The following DSE variants were observed in gnomAD, a reference collection of about 807,000 sequenced individuals.
DSE encodes the protein dermatan sulfate epimerase, also known as dermatan-sulfate epimerase.
In DSE, 36 loss-of-function variants were observed where a neutral mutation model predicts 84.4. The ratio of observed to expected loss-of-function variants is 0.43; its 90% CI spans 0.33 to 0.56. The LOEUF is 0.56. DSE is among the 20% of genes least tolerant of loss of function. The pLI is 0.06. For synonymous variants in DSE, 410 were observed against 430.1 expected (o/e 0.95, Z 0.58); for missense variants, 862 against 1,169.6 (o/e 0.74, Z 3.84).
intron 2 of DSE, among the ~76,000 whole-genome samples, chr6:116,273,340 T>G (rs1772965862): frequency 6.6e-6 from 1 of 152,212 alleles, no homozygotes; most frequent in African/African-American, 2.4e-5. Context: ...GACATCCACA[T>G]TTTTCCTAAT....
chr6:116,279,408 C>A (rs1177111081), intron 2 of DSE: 11 of 1,613,328 alleles, frequency 6.8e-6, no homozygotes, highest in Non-Finnish European at 7.6e-6. Flanking sequence ...TCAGCTCAGA[C>A]GCGGATCTCT....
chr6:116,405,361 C>T (rs1040233530), intron 2 of DSE, among the ~76,000 whole-genome samples: 1 of 152,130 alleles, frequency 6.6e-6, no homozygotes, highest in African/African-American at 2.4e-5. Flanking sequence ...TTCTCATGAC[C>T]TTACAGTGAG....
chr6:116,286,257 C>A lies in DSE; in HGVS notation c.-54+27290C>A, dbSNP rs141371150. Among the ~76,000 whole-genome samples, 238 of 152,186 alleles carry A rather than the reference C, an allele frequency of 1.6e-3. 1 individual carries two copies. Among genetic ancestry groups the A allele is most frequent in the African/African-American group, 5.4e-3 (225 of 41,542 alleles). Reference sequence around the variant, plus strand: ...TTCACATCCCTTGTAAGCTGGATTCCTAGGTATTTTATTCTCTTTGAAGCA... The same window carrying A: ...TTCACATCCCTTGTAAGCTGGATTCATAGGTATTTTATTCTCTTTGAAGCA... On this transcript the variant is annotated intron_variant, in intron 2 of 3. Coordinates refer to the DSE transcript ENST00000430252.
chr6:116,299,816 T>G (rs1774928090), intron 2 of DSE, among the ~76,000 whole-genome samples: 2 of 151,984 alleles, frequency 1.3e-5, no homozygotes, highest in Admixed American at 1.3e-4. Flanking sequence ...AATTCTACAG[T>G]GTACTGTGAA....
chr6:116,346,039 G>C (rs1243915467), intron 2 of DSE, among the ~76,000 whole-genome samples: 1 of 152,134 alleles, frequency 6.6e-6, no homozygotes, highest in Non-Finnish European at 1.5e-5. Flanking sequence ...TAAATTCCTG[G>C]ACACATACAC....
chr6:116,315,915 G>A (rs1356968121), intron 2 of DSE, among the ~76,000 whole-genome samples: 3 of 152,052 alleles, frequency 2.0e-5, no homozygotes, highest in South Asian at 2.1e-4. Context: ...GCTTGTACCC[G>A]GGAGGCAGAG....
intron 2 of DSE, among the ~76,000 whole-genome samples, chr6:116,350,314 A>G (rs986583035): frequency 2.6e-5 from 4 of 152,124 alleles, no homozygotes; most frequent in African/African-American, 4.8e-5. Context: ...GGACTGACTT[A>G]TTTCCCTATA....
At chr6:116,385,583 G>A (rs1228964858) in intron 1 of DSE, among the ~76,000 whole-genome samples, 1 of 152,126 alleles carries the variant, frequency 6.6e-6, no homozygotes, top group African/African-American at 2.4e-5. Flanking sequence ...CAGTAACTGA[G>A]TTGGGGAAGT....
At chr6:116,421,288 GTTTA>G (rs1208199965) in intron 2 of DSE, among the ~76,000 whole-genome samples, 3 of 151,376 alleles carry the variant, frequency 2.0e-5, no homozygotes, top group Non-Finnish European at 4.4e-5. Context: ...AAACAGCTTT[GTTTA>G]TTTGGGCTGT....
chr6:116,330,174 G>A (rs1001805058), intron 2 of DSE, among the ~76,000 whole-genome samples: 1 of 152,118 alleles, frequency 6.6e-6, no homozygotes, highest in African/African-American at 2.4e-5. Context: ...TGCATTTTCA[G>A]CTAAAATATA....
rs575791327 is a variant in DSE, at chr6:116,429,375, T to C, written c.671-1579T>C. Among the ~76,000 whole-genome samples the C allele has an allele frequency of 2.0e-3, 301 of 152,286 alleles. 1 individual carries two copies. Among genetic ancestry groups the C allele is most frequent in the African/African-American group, 6.8e-3 (281 of 41,542 alleles). ...CCCACACCTGCCACATAGTAGGCCA[T>C]GGTAGCGTGGTCAACATGTTTGTGG... On this transcript the variant is annotated intron_variant, in intron 3 of 5. Transcript: ENST00000644252.
intron 2 of DSE, among the ~76,000 whole-genome samples, chr6:116,327,712 G>A (rs1365532174): frequency 6.6e-6 from 1 of 152,132 alleles, no homozygotes; most frequent in Non-Finnish European, 1.5e-5. Context: ...ATTTGTTTAT[G>A]CTTTCTGCCT....
intron 2 of DSE, among the ~76,000 whole-genome samples, chr6:116,273,834 GT>G (rs35845513): frequency 0.27 from 37,202 of 136,706 alleles, 4,630 homozygotes; most frequent in East Asian, 0.6. Context: ...ATGTTTTTTT[GT>G]TTTTTTTTTT....
At chr6:116,377,752 A>G (rs1259496807) in intron 1 of DSE, among the ~76,000 whole-genome samples, 2 of 152,150 alleles carry the variant, frequency 1.3e-5, no homozygotes, top group Non-Finnish European at 2.9e-5. Flanking sequence ...AATATCCAAC[A>G]CGGTGTAGAG....
At chr6:116,254,738 G>C (rs141755779) in intron 1 of DSE, 1 of 153,772 alleles carries the variant, frequency 6.5e-6, no homozygotes, top group African/African-American at 2.4e-5. Flanking sequence ...TTACGTAGAG[G>C]TGACTGGCAC....
At chr6:116,396,214 A>G (rs1275001487) in intron 1 of DSE, among the ~76,000 whole-genome samples, 1 of 152,196 alleles carries the variant, frequency 6.6e-6, no homozygotes, top group Non-Finnish European at 1.5e-5. Context: ...GCTCCATGAT[A>G]CATAGAGGAA....
chr6:116,395,901 G>A (rs1409447535), intron 1 of DSE, among the ~76,000 whole-genome samples: 2 of 152,110 alleles, frequency 1.3e-5, no homozygotes, highest in Non-Finnish European at 2.9e-5. Context: ...TCCTCTTTTA[G>A]GTTATCAGCC....
In DSE at chr6:116,412,111, A is replaced by G. The variant is rs561899222; in HGVS notation, c.416+12445A>G. Among the ~76,000 whole-genome samples the G allele has an allele frequency of 2.8e-4, 43 of 152,340 alleles. 1 individual carries two copies. In the South Asian group the frequency reaches 3.1e-3, roughly 11 times the overall value. ...TGTACTGCCAAATTACTTTTTAAAG[A>G]CATATTCTTTGAAACTGTATTCCCA... On this transcript the variant is annotated intron_variant, in intron 2 of 5. Coordinates refer to ENST00000644252, the MANE Select transcript of DSE (RefSeq NM_013352.4).
At chr6:116,417,307 G>A (rs1407065452) in intron 2 of DSE, among the ~76,000 whole-genome samples, 3 of 152,184 alleles carry the variant, frequency 2.0e-5, no homozygotes, top group Non-Finnish European at 4.4e-5. Context: ...AACACTTCAT[G>A]TCATGGAAGT....
Sources: allele counts gnomAD v4.1 joint callset (sites outside exome capture counted in the v4.1 genomes callset), GRCh38; gene constraint gnomAD v4.1.1; transcripts MANE v1.5; gene names NCBI Gene and HGNC (gene_info 2026-07-23, HGNC 2026-07-21).